Variants in YWHAG observed in about 807,000 individuals in gnomAD.
YWHAG encodes tyrosine 3-monooxygenase/tryptophan 5-monooxygenase activation protein gamma, also known as 14-3-3 protein gamma.
In YWHAG, 1 loss-of-function variant was observed where a neutral mutation model predicts 23.3. That is an observed-to-expected ratio of 0.04 (90% CI 0.02 to 0.20). The LOEUF is 0.20. YWHAG is among the 10% of genes least tolerant of loss of function. The probability of loss-of-function intolerance (pLI) is 1.00; values close to 1 mark genes in which losing one functional copy is unlikely to be tolerated. For synonymous variants in YWHAG, 160 were observed against 144.0 expected (o/e 1.11, Z -0.80); for missense variants, 151 against 338.6 (o/e 0.45, Z 4.35).
intron 1 of YWHAG, among the ~76,000 whole-genome samples, chr7:76,358,495 G>T (rs917422): frequency 1.3e-5 from 2 of 151,922 alleles, no homozygotes; most frequent in African/African-American, 4.8e-5. Flanking sequence ...CCGCGCCCGC[G>T]CCGGGCCTGA....
In YWHAG at chr7:76,327,751, GCTT is replaced by G. The variant is rs1165875228; in HGVS notation, c.*1823_*1825del. The G allele has an allele frequency of 4.5e-4, 63 of 138,984 alleles. No individual in the cohort carries two copies. The highest frequency in any genetic ancestry group is 1.4e-3 in the African/African-American group (53 of 37,520). 8.6% of individuals were successfully genotyped at this position (138,984 alleles called of 1,614,324 possible). A position where few individuals can be genotyped will look rare whatever the true frequency, so the allele number is the denominator to read the frequency against. On this transcript the variant is annotated 3_prime_UTR_variant, in exon 2 of 2. Coordinates refer to ENST00000307630, the MANE Select transcript of YWHAG (RefSeq NM_012479.4). ...CTGTGAGAGGCACAAAAGCGGCAAA[GCTT>G]CTTCTACTAGTTCTTCTGGTAGGCT...
intron 1 of YWHAG, among the ~76,000 whole-genome samples, chr7:76,356,630 ATT>A (rs1426289268): frequency 6.6e-6 from 1 of 152,214 alleles, no homozygotes; most frequent in African/African-American, 2.4e-5. Context: ...CTTGTTTAAA[ATT>A]TCTTTTATTC....
chr7:76,339,116 T>C (rs893926231), intron 1 of YWHAG, among the ~76,000 whole-genome samples: 4 of 152,258 alleles, frequency 2.6e-5, no homozygotes, highest in African/African-American at 9.6e-5. Flanking sequence ...TATGGATGTA[T>C]ACAACAAACT....
intron 1 of YWHAG, 129 bp downstream of exon 1, chr7:76,358,593 C>A (rs1583997617): frequency 1.1e-6 from 1 of 929,598 alleles, no homozygotes; most frequent in East Asian, 3.2e-5. Flanking sequence ...CTCCCCAGCC[C>A]CCCTCAGTGA....
intron 1 of YWHAG, among the ~76,000 whole-genome samples, chr7:76,351,452 C>G (rs1294726223): frequency 6.6e-6 from 1 of 152,034 alleles, no homozygotes; most frequent in African/African-American, 2.4e-5. Context: ...GATACAAGAC[C>G]CAATGTGAAG....
Position 76,356,764 on chromosome 7 carries a change from T to G in YWHAG, c.87+1958A>C, listed in dbSNP as rs139642791. 4.4e-3 allele frequency among the ~76,000 whole-genome samples: 673 copies of G among 152,300 alleles called. 5 individuals carry two copies. Among genetic ancestry groups the G allele is most frequent in the African/African-American group, 0.014 (592 of 41,568 alleles). ...TAAACTTTTGTGAGAAAGCTAGCAA[T>G]AGGGTGAACAAGGCCTAGCTAGAGG... On this transcript the variant is annotated intron_variant, in intron 1 of 1. Coordinates refer to ENST00000307630, the MANE Select transcript of YWHAG (RefSeq NM_012479.4).
intron 1 of YWHAG, among the ~76,000 whole-genome samples, chr7:76,337,112 G>A (rs1330762453): frequency 6.6e-6 from 1 of 152,164 alleles, no homozygotes; most frequent in Non-Finnish European, 1.5e-5. Context: ...CCTCAAACAT[G>A]AACTCCCTTC....
rs997503278 is a variant in YWHAG, at chr7:76,331,534, A to C, written c.88-1301T>G. Among the ~76,000 whole-genome samples the C allele has an allele frequency of 6.6e-5, 10 of 151,744 alleles. No individual in the cohort carries two copies. The South Asian group carries it at 2.1e-3, about 32-fold the overall frequency. On this transcript the variant is annotated intron_variant, in intron 1 of 1. Coordinates refer to ENST00000307630, the MANE Select transcript of YWHAG (RefSeq NM_012479.4). ...ATTCGTAAACTCTATTAAAACACTGAGAATTCTTTTTGCGATTTTTTTTTT... is the reference window on the plus strand; with the variant it reads ...ATTCGTAAACTCTATTAAAACACTGCGAATTCTTTTTGCGATTTTTTTTTT...
rs1432457480 is a variant in YWHAG at position 76,327,029 on chromosome 7, CTG to C, written c.*2546_*2547del. The C allele has an allele frequency of 6.6e-6, 1 of 152,588 alleles. No individual in the cohort carries two copies. The allele number at this position is 152,588 out of a possible 1,614,324, so 9.5% of individuals were successfully genotyped here. ...AGAACATATTTGTTGTTCTCCAACA[CTG>C]TAATAGTTATAATTTCACCATGACA... On this transcript the variant is annotated 3_prime_UTR_variant, in exon 2 of 2. Coordinates refer to ENST00000307630, the MANE Select transcript of YWHAG (RefSeq NM_012479.4).
At chr7:76,351,944 A>G (rs1175973001) in intron 1 of YWHAG, among the ~76,000 whole-genome samples, 1 of 152,122 alleles carries the variant, frequency 6.6e-6, no homozygotes, top group Non-Finnish European at 1.5e-5. Flanking sequence ...CCCTGGTGCC[A>G]AAAAGGTTGG....
intron 1 of YWHAG, among the ~76,000 whole-genome samples, chr7:76,353,858 C>CA (rs1184177209): frequency 6.6e-6 from 1 of 151,792 alleles, no homozygotes; most frequent in Admixed American, 6.6e-5. Context: ...TGCTTGAGTC[C>CA]AGGAGCTCAA....
Position 76,327,615 on chromosome 7 carries a change from G to GC in YWHAG, c.*1961dup, listed in dbSNP as rs1465230505. 1.4e-5 allele frequency: 2 copies of GC among 140,184 alleles called. No individual in the cohort carries two copies. Among genetic ancestry groups the GC allele is most frequent in the Admixed American group, 7.5e-5 (1 of 13,248 alleles). 8.7% of individuals were successfully genotyped at this position (140,184 alleles called of 1,614,324 possible). On this transcript the variant is annotated 3_prime_UTR_variant, in exon 2 of 2. Coordinates refer to ENST00000307630, the MANE Select transcript of YWHAG (RefSeq NM_012479.4). ...ATTTCCAAATGCTACAAGGAAAAAC[G>GC]CAACACTGCTCACTGGACATGAAGA...
At chr7:76,341,017 G>T (rs1803685070) in intron 1 of YWHAG, among the ~76,000 whole-genome samples, 1 of 152,120 alleles carries the variant, frequency 6.6e-6, no homozygotes, top group African/African-American at 2.4e-5. Context: ...GGGACTACAG[G>T]CATGTGCCAC....
intron 1 of YWHAG, among the ~76,000 whole-genome samples, chr7:76,348,008 T>C (rs1415667783): frequency 6.6e-6 from 1 of 152,252 alleles, no homozygotes; most frequent in Non-Finnish European, 1.5e-5. Context: ...TATTGAGTAA[T>C]ACATCTTTCA....
In YWHAG at chr7:76,329,491, C is replaced by CCCA; in HGVS notation, c.*85_*86insTGG. 1.0e-6 allele frequency: 1 copy of CCCA among 981,326 alleles called. No homozygotes were observed. Among genetic ancestry groups the CCCA allele is most frequent in the Non-Finnish European group, 1.4e-6 (1 of 704,828 alleles). 60.8% of individuals were successfully genotyped at this position (981,326 alleles called of 1,614,324 possible). A position where few individuals can be genotyped will look rare whatever the true frequency, so the allele number is the denominator to read the frequency against. ...CCTGGGAAGGTCATCCCTCCCTTTC[C>CCCA]CTCCCCCACCCGACCCCCAACTCAT... On this transcript the variant is annotated 3_prime_UTR_variant, in exon 2 of 2. Transcript: ENST00000307630. This position sits in a 1 kb window ranked among gnomAD's most constrained non-coding sequence, Gnocchi z 6.1.
intron 1 of YWHAG, among the ~76,000 whole-genome samples, chr7:76,358,116 A>C (rs913640727): frequency 6.6e-6 from 1 of 152,244 alleles, no homozygotes; most frequent in Admixed American, 6.5e-5. Context: ...TTTTGTTAAG[A>C]AAAACGTGAG....
At position 76,332,107 on chromosome 7, in the gene YWHAG, A is replaced by G. The variant is rs185120835; in HGVS notation, c.88-1874T>C. 8.7e-3 allele frequency among the ~76,000 whole-genome samples: 1,331 copies of G among 152,332 alleles called. 20 individuals are homozygous for G. The highest frequency in any genetic ancestry group is 0.04 in the Admixed American group (611 of 15,294). ...CTGATGCTCTGTTTTAATGCTGGAC[A>G]ACGTTACTCCTACCAGCCGTGCCCT... On this transcript the variant is annotated intron_variant, in intron 1 of 1. Coordinates refer to ENST00000307630, the MANE Select transcript of YWHAG (RefSeq NM_012479.4).
At chr7:76,343,153 T>G (rs1803722333) in intron 1 of YWHAG, among the ~76,000 whole-genome samples, 1 of 151,788 alleles carries the variant, frequency 6.6e-6, no homozygotes, top group Admixed American at 6.6e-5. Context: ...AAAAATTAGG[T>G]TGTTATGTGT....
At chr7:76,342,803 G>A (rs571812326) in intron 1 of YWHAG, among the ~76,000 whole-genome samples, 64 of 152,052 alleles carry the variant, frequency 4.2e-4, no homozygotes, top group South Asian at 6.3e-4. Flanking sequence ...TGGAAGTGGC[G>A]GGGAGAGAGG....
Sources: allele counts gnomAD v4.1 joint callset (sites outside exome capture counted in the v4.1 genomes callset), GRCh38; gene constraint gnomAD v4.1.1; non-coding constraint Gnocchi (gnomAD v3.1); transcripts MANE v1.5; gene names NCBI Gene and HGNC (gene_info 2026-07-23, HGNC 2026-07-21).